Variants in PROSER2 observed in about 807,000 individuals in gnomAD.
PROSER2 encodes the protein proline and serine rich 2.
A neutral mutation model predicts 14.6 loss-of-function variants in PROSER2; 18 were observed. The observed-to-expected ratio is 1.23, with a 90% CI of 0.85 to 1.83. PROSER2 has a LOEUF of 1.83. Among genes scored for constraint, PROSER2 ranks in the 40% most tolerant of loss-of-function variants. The pLI, the probability that PROSER2 is intolerant of heterozygous loss-of-function variation, is 0.00. For missense variants in PROSER2, 823 were observed against 629.8 expected (o/e 1.31, Z -3.28); for synonymous variants, 367 against 286.4 (o/e 1.28, Z -2.84).
rs1288740504 is a variant in PROSER2, at chr10:11,869,057, A to G, written c.392-433A>G. Among the ~76,000 whole-genome samples the G allele has an allele frequency of 6.6e-6, 1 of 152,218 alleles. No individual in the cohort carries two copies. Among genetic ancestry groups the G allele is most frequent in the Non-Finnish European group, 1.5e-5 (1 of 68,034 alleles). On this transcript the variant is annotated intron_variant, in intron 3 of 3. Coordinates refer to ENST00000277570, the MANE Select transcript of PROSER2 (RefSeq NM_153256.4). The surrounding 1 kb of genome is among the most constrained non-coding windows in gnomAD (Gnocchi z 4.4). The stretch of plus-strand genomic sequence containing the variant: ...AGGCAGGCCTGTTAAATTCTCTGTC[A>G]TAGAGGAAAGTGACACAGCTACATG...
rs75597306 is a variant in PROSER2, at chr10:11,837,727, G to A, written c.-82+14257G>A. Among the ~76,000 whole-genome samples, 6 of 152,186 alleles carry A rather than the reference G, an allele frequency of 3.9e-5. No homozygotes were observed. The highest frequency in any genetic ancestry group is 7.3e-5 in the Non-Finnish European group (5 of 68,032). ...AGGGAATCCAAGTCTTATAAGACAC[G>A]ATTTCTTTCCCTCACATTTCCTCGG... On this transcript the variant is annotated intron_variant, in intron 1 of 3. Coordinates refer to ENST00000277570, the MANE Select transcript of PROSER2 (RefSeq NM_153256.4). The surrounding 1 kb of genome is among the most constrained non-coding windows in gnomAD (Gnocchi z 4.6).
chr10:11,858,953 G>C (rs1393780139), intron 2 of PROSER2, among the ~76,000 whole-genome samples: 2 of 144,980 alleles, frequency 1.4e-5, no homozygotes, highest in African/African-American at 2.6e-5. Flanking sequence ...AGGTTGCAGT[G>C]AGCCGAGATT....
rs1834446618 is a variant in PROSER2, at chr10:11,870,091, A to G, written c.993A>G (p.Ala331=). ...CGGGCCCCGCTGAGAGTCTCCGGGC[A>G]GGGGGTCAGGCTCCGCGGGGCCCGG... ...GLPGPAESLR[A]GGQAPRGPAL... is the part of the protein sequence containing the mutation. Residue 331 remains alanine (A), a synonymous_variant, in exon 4 of 4, where the codon GCA becomes GCG. Coordinates refer to ENST00000277570, the MANE Select transcript of PROSER2 (RefSeq NM_153256.4). 1 of 1,291,698 alleles carries G rather than the reference A, an allele frequency of 7.7e-7. No individual in the cohort carries two copies. The highest frequency in any genetic ancestry group is 9.8e-7 in the Non-Finnish European group (1 of 1,020,362). The allele number at this position is 1,291,698 out of a possible 1,614,324, so 80.0% of individuals were successfully genotyped here.
At chr10:11,834,940 C>T (rs1055455660) in intron 1 of PROSER2, among the ~76,000 whole-genome samples, 4 of 151,702 alleles carry the variant, frequency 2.6e-5, no homozygotes, top group Non-Finnish European at 5.9e-5. Flanking sequence ...AACCCTGTGT[C>T]TACTAAAAAT....
intron 1 of PROSER2, among the ~76,000 whole-genome samples, chr10:11,840,991 T>TATATA (rs1833838942): frequency 2.1e-4 from 24 of 112,872 alleles, no homozygotes; most frequent in East Asian, 5.5e-4. Flanking sequence ...TATATATATA[T>TATATA]GATGGTGGGG....
At chr10:11,853,703 A>C (rs1053741538) in intron 2 of PROSER2, among the ~76,000 whole-genome samples, 3 of 152,016 alleles carry the variant, frequency 2.0e-5, no homozygotes, top group Non-Finnish European at 2.9e-5. Flanking sequence ...TCTTGTTTGG[A>C]TCCATGCTCC....
chr10:11,868,287 T>C (rs1834394377), intron 3 of PROSER2, among the ~76,000 whole-genome samples: 1 of 152,226 alleles, frequency 6.6e-6, no homozygotes, highest in South Asian at 2.1e-4. Flanking sequence ...TTTTCTTTCA[T>C]TTTTCTGAGA....
intron 1 of PROSER2, among the ~76,000 whole-genome samples, chr10:11,828,238 C>T (rs530615459): frequency 7.6e-4 from 115 of 150,394 alleles, no homozygotes; most frequent in South Asian, 2.3e-3. Flanking sequence ...CTTTACAAAC[C>T]GGATTCTGGG....
intron 1 of PROSER2, among the ~76,000 whole-genome samples, chr10:11,825,473 C>A (rs1309307566): frequency 6.6e-6 from 1 of 152,174 alleles, no homozygotes. Context: ...CAACTCCGCC[C>A]CTGATTGACT....
chr10:11,845,831 C>T (rs1474397879), intron 1 of PROSER2, among the ~76,000 whole-genome samples: 1 of 152,188 alleles, frequency 6.6e-6, no homozygotes. Flanking sequence ...ATTCCTGCTC[C>T]TGAGGCAGGA....
intron 1 of PROSER2, among the ~76,000 whole-genome samples, chr10:11,835,660 AC>A (rs1471623975): frequency 1.3e-5 from 2 of 152,218 alleles, no homozygotes; most frequent in Non-Finnish European, 2.9e-5. Flanking sequence ...ATACACAATT[AC>A]ATAAAAATAG....
chr10:11,860,998 C>G (rs938308079), intron 2 of PROSER2, among the ~76,000 whole-genome samples: 5 of 152,014 alleles, frequency 3.3e-5, no homozygotes, highest in Admixed American at 3.3e-4. Context: ...CCCAGCTACC[C>G]TGGAGGCTGA....
Position 11,869,484 on chromosome 10 carries a change from T to C in PROSER2, c.392-6T>C. 1.9e-6 allele frequency: 3 copies of C among 1,611,090 alleles called. No homozygotes were observed. Among genetic ancestry groups the C allele is most frequent in the Non-Finnish European group, 2.5e-6 (3 of 1,177,448 alleles). ...GTGGCTCACAGGCTCCTCCCTTGTC[T>C]TCCAGGGCCTGCACCTGCTGGGAAG... On this transcript the variant is annotated splice_polypyrimidine_tract_variant and splice_region_variant and intron_variant, in intron 3 of 3. Coordinates refer to ENST00000277570, the MANE Select transcript of PROSER2 (RefSeq NM_153256.4). This position sits in a 1 kb window ranked among gnomAD's most constrained non-coding sequence, Gnocchi z 4.4.
rs771457475 is a variant in PROSER2, at chr10:11,866,509, G to A, written c.139-22G>A. The A allele has an allele frequency of 6.2e-7, 1 of 1,612,030 alleles. No individual in the cohort carries two copies. The highest frequency in any genetic ancestry group is 1.7e-5 in the Admixed American group (1 of 59,834). On this transcript the variant is annotated intron_variant, in intron 2 of 3. Coordinates refer to ENST00000277570, the MANE Select transcript of PROSER2 (RefSeq NM_153256.4). This position sits in a 1 kb window ranked among gnomAD's most constrained non-coding sequence, Gnocchi z 6.0. ...AGCCAGTGTTTGTTTTCTCTCTTCT[G>A]TTCCCAATCCCTGTACTCTAGGATG...
At position 11,869,199 on chromosome 10, in the gene PROSER2, CAG is replaced by C. The variant is rs1156746512; in HGVS notation, c.392-290_392-289del. Among the ~76,000 whole-genome samples, 1 of 152,200 alleles carries C rather than the reference CAG, an allele frequency of 6.6e-6. No individual in the cohort carries two copies. Among genetic ancestry groups the C allele is most frequent in the African/African-American group, 2.4e-5 (1 of 41,438 alleles). On this transcript the variant is annotated intron_variant, in intron 3 of 3. Transcript: ENST00000277570. This position sits in a 1 kb window ranked among gnomAD's most constrained non-coding sequence, Gnocchi z 4.4. ...CACTACTTGCGTCCTGTCCCAGCCT[CAG>C]GGGCTGGAGCCTCAGCAGCCCACAT...
At position 11,856,180 on chromosome 10, in the gene PROSER2, C is replaced by T. The variant is rs535142672; in HGVS notation, c.138+3965C>T. Among the ~76,000 whole-genome samples the T allele has an allele frequency of 7.2e-5, 11 of 152,272 alleles. No individual in the cohort carries two copies. In the East Asian group the frequency reaches 1.7e-3, roughly 24 times the overall value. On this transcript the variant is annotated intron_variant, in intron 2 of 3. Transcript: ENST00000277570. The surrounding 1 kb of genome is among the most constrained non-coding windows in gnomAD (Gnocchi z 5.3). ...TGATGCAGGCACAAAATAAAAGGCC[C>T]GAGAAGGGCTTGAGATGTCCATATG...
intron 2 of PROSER2, among the ~76,000 whole-genome samples, chr10:11,863,585 T>C (rs550433419): frequency 4.0e-5 from 6 of 151,590 alleles, no homozygotes; most frequent in Non-Finnish European, 8.8e-5. Flanking sequence ...TCCACACTCA[T>C]AGCATTATAG....
chr10:11,840,938 AAAAAAAAAAAAAAAAAAATAT>A (rs1303635786), intron 1 of PROSER2, among the ~76,000 whole-genome samples: 12 of 62,678 alleles, frequency 1.9e-4, no homozygotes, highest in South Asian at 1.3e-3. Context: ...AAAAAAAAAA[AAAAAAAAAAAAAAAAAAATAT>A]ATATATATAT....
chr10:11,857,811 C>T (rs565092535), intron 2 of PROSER2, among the ~76,000 whole-genome samples: 2 of 151,604 alleles, frequency 1.3e-5, no homozygotes, highest in South Asian at 2.1e-4. Flanking sequence ...GCGCCCACTT[C>T]GGCAACCTCG....
Sources: allele counts gnomAD v4.1 joint callset (sites outside exome capture counted in the v4.1 genomes callset), GRCh38; gene constraint gnomAD v4.1.1; non-coding constraint Gnocchi (gnomAD v3.1); transcripts MANE v1.5; gene names NCBI Gene and HGNC (gene_info 2026-07-23, HGNC 2026-07-21).